The following CENPE variants were observed in gnomAD, a reference collection of about 807,000 sequenced individuals.
CENPE encodes the protein centromere protein E, also known as centromere-associated protein E.
Under a neutral mutation model 336.1 loss-of-function variants are expected in CENPE, and 145 were observed. The ratio of observed to expected loss-of-function variants is 0.43; its 90% CI spans 0.38 to 0.50. The LOEUF is 0.50. Among genes scored for constraint, CENPE ranks in the 20% least tolerant of loss-of-function variants. CENPE has a pLI of 0.00. For missense variants in CENPE, 2,719 were observed against 3,023.3 expected (o/e 0.90, Z 2.36); for synonymous variants, 1,013 against 984.8 (o/e 1.03, Z -0.54).
At chr4:103,191,909 A>G (rs72946184) in intron 8 of CENPE, among the ~76,000 whole-genome samples, 2,355 of 152,202 alleles carry the variant, frequency 0.015, 58 homozygotes, top group African/African-American at 0.054. Flanking sequence ...TGGAGGATGG[A>G]TTGGGAAGGG....
At chr4:103,140,457 C>A in intron 36 of CENPE, 43 bp from the exon 37 acceptor site, 7 of 1,293,042 alleles carry the variant, frequency 5.4e-6, no homozygotes, top group Non-Finnish European at 6.4e-6. Context: ...GATATAAAGG[C>A]ACGTTACCTT....
At position 103,152,031 on chromosome 4, in the gene CENPE, A is replaced by G. The variant is rs1457414035; in HGVS notation, c.3238-654T>C. ...TGAACTTCTCCAAATATTTATTTAA[A>G]CTTATACACATTGTATCACCCCTAA... On this transcript the variant is annotated intron_variant, in intron 25 of 48. Coordinates refer to ENST00000265148, the MANE Select transcript of CENPE (RefSeq NM_001813.3). Among the ~76,000 whole-genome samples, 2 of 152,194 alleles carry G rather than the reference A, an allele frequency of 1.3e-5. 1 individual carries two copies. Among genetic ancestry groups the G allele is most frequent in the African/African-American group, 4.8e-5 (2 of 41,452 alleles).
Position 103,116,597 on chromosome 4 carries a change from A to G in CENPE, c.7422T>C (p.Asn2474=). 1 of 1,554,178 alleles carries G rather than the reference A, an allele frequency of 6.4e-7. No homozygotes were observed. The highest frequency in any genetic ancestry group is 8.7e-7 in the Non-Finnish European group (1 of 1,147,178). ...LVKIDLEKMK[N]AKEFEKEISA... ...CGTACTCCTTTTCAAATTCTTTGGC[A>G]TTTTTCATTTTCTCTAGGTCTATTT... Residue 2474 remains asparagine (N), a synonymous_variant, in exon 45 of 49, where the codon AAT becomes AAC. Coordinates refer to ENST00000265148, the MANE Select transcript of CENPE (RefSeq NM_001813.3).
intron 16 of CENPE, among the ~76,000 whole-genome samples, chr4:103,171,616 C>G (rs1032352068): frequency 4.0e-5 from 6 of 150,736 alleles, no homozygotes; most frequent in Admixed American, 4.0e-4. Flanking sequence ...AAAACAAGAA[C>G]AAACTAAACC....
chr4:103,170,081 A>G (rs1156261562), intron 16 of CENPE, among the ~76,000 whole-genome samples: 12 of 152,198 alleles, frequency 7.9e-5, no homozygotes. Context: ...GGAGTTGAAC[A>G]ATGAGAACTC....
intron 44 of CENPE, among the ~76,000 whole-genome samples, chr4:103,117,273 A>G (rs1750213079): frequency 6.6e-6 from 1 of 152,180 alleles, no homozygotes; most frequent in Non-Finnish European, 1.5e-5. Flanking sequence ...ATGCATTAGT[A>G]TGCTGCATTT....
chr4:103,125,866 CAAAAA>C (rs1314621341), intron 42 of CENPE, among the ~76,000 whole-genome samples: 10 of 48,040 alleles, frequency 2.1e-4, no homozygotes, highest in African/African-American at 6.7e-4. Context: ...GACTCCATCT[CAAAAA>C]AAAAAAAAAA....
rs1757899269 is a variant in CENPE at position 103,198,300 on chromosome 4, A to G, written c.20T>C (p.Val7Ala). Reference protein sequence around the residue: MAEEGAVAVCVRVRPLN... With the variant: MAEEGAAAVCVRVRPLN... ...CGGCCGCACTCGCACGCAGACGGCCACGGCTCCTTCCTCCGCCATCCTATC... is the reference window on the plus strand; with the variant it reads ...CGGCCGCACTCGCACGCAGACGGCCGCGGCTCCTTCCTCCGCCATCCTATC... The change falls in exon 1 of 49, where the codon GTG becomes GCG. Residue 7 changes from valine to alanine, a missense_variant. Val to Ala is a moderately conservative substitution (Grantham distance 64, BLOSUM62 0). Transcript: ENST00000265148. 6 of 1,550,916 alleles carry G rather than the reference A, an allele frequency of 3.9e-6. No individual in the cohort carries two copies. Among genetic ancestry groups the G allele is most frequent in the Middle Eastern group, 1.7e-4 (1 of 5,988 alleles).
At chr4:103,186,942 A>G (rs1352392087) in intron 8 of CENPE, among the ~76,000 whole-genome samples, 1 of 152,202 alleles carries the variant, frequency 6.6e-6, no homozygotes, top group East Asian at 1.9e-4. Flanking sequence ...TGTTCAAAAA[A>G]ATAGAAAAGG....
intron 8 of CENPE, among the ~76,000 whole-genome samples, chr4:103,193,986 A>G (rs921364832): frequency 6.6e-6 from 1 of 152,070 alleles, no homozygotes; most frequent in Non-Finnish European, 1.5e-5. Flanking sequence ...ATAACCCTAT[A>G]GCCCTGACAT....
chr4:103,115,689 T>C (rs1750032409), intron 45 of CENPE, among the ~76,000 whole-genome samples: 1 of 151,814 alleles, frequency 6.6e-6, no homozygotes, highest in African/African-American at 2.4e-5. Flanking sequence ...CCAGAGAGAA[T>C]AAACAGTGTA....
At chr4:103,195,291 T>C (rs1757652996) in intron 4 of CENPE, 58 bp from the exon 5 acceptor site, 1 of 1,462,942 alleles carries the variant, frequency 6.8e-7, no homozygotes, top group South Asian at 1.3e-5. Flanking sequence ...GAAAACCTAA[T>C]GCTAAATGCT....
At chr4:103,128,272 G>A (rs1751302508) in intron 42 of CENPE, among the ~76,000 whole-genome samples, 1 of 152,054 alleles carries the variant, frequency 6.6e-6, no homozygotes, top group South Asian at 2.1e-4. Flanking sequence ...AATACTTGAG[G>A]CAAAAACTGA....
In CENPE at chr4:103,139,770, A is replaced by C. The variant is rs111886404; in HGVS notation, c.6204+19T>G. The C allele has an allele frequency of 6.5e-5, 102 of 1,566,630 alleles. No individual in the cohort carries two copies. The African/African-American group carries it at 1.1e-3, about 16-fold the overall frequency. ...ATTCTTATTAATAGTTACTACACAA[A>C]GGAAGACTCTGAACTCACTCTAGCT... On this transcript the variant is annotated intron_variant, in intron 38 of 48. Coordinates refer to ENST00000265148, the MANE Select transcript of CENPE (RefSeq NM_001813.3).
chr4:103,146,113 G>A lies in CENPE; in HGVS notation c.4135-6C>T. ...TTGCTTTGAGACTCCTGGATCTTAA[G>A]AGAATCATAAAACAGTACAGTTGAT... is the stretch of plus-strand genomic sequence containing the variant. On this transcript the variant is annotated splice_region_variant and splice_polypyrimidine_tract_variant and intron_variant, in intron 29 of 48. Coordinates refer to ENST00000265148, the MANE Select transcript of CENPE (RefSeq NM_001813.3). The A allele has an allele frequency of 6.2e-7, 1 of 1,610,394 alleles. No individual in the cohort carries two copies. Among genetic ancestry groups the A allele is most frequent in the Middle Eastern group, 1.7e-4 (1 of 6,038 alleles).
chr4:103,132,632 G>C (rs1230649601), intron 42 of CENPE, 61 bp downstream of exon 42: 1 of 760,462 alleles, frequency 1.3e-6, no homozygotes, highest in Non-Finnish European at 2.1e-6. Context: ...TTTTAAGAAT[G>C]AGGTAGGACA....
chr4:103,188,737 A>G (rs143742058), intron 8 of CENPE, among the ~76,000 whole-genome samples: 1,526 of 152,320 alleles, frequency 0.01, 30 homozygotes, highest in African/African-American at 0.035. Flanking sequence ...AAAGAACTAG[A>G]AAAGCAAGAT....
chr4:103,122,637 T>C (rs904299922), intron 43 of CENPE, among the ~76,000 whole-genome samples: 2 of 152,222 alleles, frequency 1.3e-5, no homozygotes, highest in African/African-American at 2.4e-5. Context: ...AGTTTATGAA[T>C]GTAATAATCA....
At chr4:103,118,250 G>C (rs1750313700) in intron 44 of CENPE, among the ~76,000 whole-genome samples, 1 of 152,124 alleles carries the variant, frequency 6.6e-6, no homozygotes, top group African/African-American at 2.4e-5. Context: ...CAATGTTTTG[G>C]ATTTTGGCTA....
Sources: gnomAD v4.1 joint callset for allele counts (sites outside exome capture counted in the v4.1 genomes callset) on GRCh38, gnomAD v4.1.1 for gene constraint, MANE v1.5 for transcripts, NCBI Gene and HGNC (gene_info 2026-07-23, HGNC 2026-07-21) for gene names.